Variants in ANKRD31 observed in about 807,000 individuals in gnomAD.
The protein encoded by ANKRD31 is ankyrin repeat domain 31, also known as ankyrin repeat domain-containing protein 31.
In ANKRD31, 147 loss-of-function variants were observed where a neutral mutation model predicts 186.0. The observed-to-expected ratio is 0.79, with a 90% CI of 0.69 to 0.91. The LOEUF (loss-of-function observed/expected upper bound fraction) is 0.91. Ranked by LOEUF, ANKRD31 falls within the 40% of genes least tolerant of loss-of-function variation. The probability of loss-of-function intolerance (pLI) is 0.00; values close to 1 mark genes in which losing one functional copy is unlikely to be tolerated. For synonymous variants in ANKRD31, 673 were observed against 736.4 expected, an observed-to-expected ratio of 0.91 and a Z score of 1.39; for missense variants, 1,986 against 2,148.8, an observed-to-expected ratio of 0.92 and a Z score of 1.50.
chr5:75,157,108 G>A (rs566442235), intron 11 of ANKRD31, among the ~76,000 whole-genome samples: 1 of 152,244 alleles, frequency 6.6e-6, no homozygotes, highest in Admixed American at 6.5e-5. Flanking sequence ...GGGCTTAGGA[G>A]GAGCATATTA....
chr5:75,189,082 A>C (rs1263321790), intron 9 of ANKRD31, among the ~76,000 whole-genome samples: 3 of 152,338 alleles, frequency 2.0e-5, no homozygotes, highest in African/African-American at 7.2e-5. Flanking sequence ...AAAATCTCAG[A>C]GGCATATAAG....
Position 75,146,922 on chromosome 5 carries a change from T to C in ANKRD31, c.2489A>G (p.Asp830Gly). ...EVQCLELESV[D>G]QTEAVSFPGL... ...TGGGAAAGAAACAGCTTCAGTTTGG[T>C]CAACAGATTCTAATTCCAAGCATTG... The change falls in exon 14 of 26, where the codon GAC becomes GGC. Residue 830 changes from aspartate to glycine, a missense_variant. Asp to Gly is a moderately conservative substitution (Grantham distance 94). Coordinates refer to ENST00000506364, the MANE Select transcript of ANKRD31 (RefSeq NM_001372053.1). The C allele has an allele frequency of 2.0e-6, 3 of 1,536,376 alleles. No homozygotes were observed. The highest frequency in any genetic ancestry group is 2.4e-5 in the South Asian group (2 of 84,044).
chr5:75,158,911 C>CA (rs969683220), intron 11 of ANKRD31, among the ~76,000 whole-genome samples: 25 of 151,372 alleles, frequency 1.7e-4, no homozygotes, highest in South Asian at 4.2e-4. Flanking sequence ...CCTATATGTG[C>CA]AAAAAAACAC....
chr5:75,204,130 C>T (rs1417605445), intron 5 of ANKRD31, among the ~76,000 whole-genome samples: 1 of 152,078 alleles, frequency 6.6e-6, no homozygotes. Flanking sequence ...TTTCCTTAAA[C>T]AATTTAAACT....
At chr5:75,134,391 C>A (rs2964810) in intron 17 of ANKRD31, among the ~76,000 whole-genome samples, 10 of 152,110 alleles carry the variant, frequency 6.6e-5, no homozygotes, top group Admixed American at 5.2e-4. Flanking sequence ...AACACCTATA[C>A]GCAAATAAAT....
chr5:75,128,702 G>C (rs1373190236), intron 17 of ANKRD31, among the ~76,000 whole-genome samples: 1 of 149,540 alleles, frequency 6.7e-6, no homozygotes, highest in East Asian at 2.0e-4. Flanking sequence ...TTTTAGTAGA[G>C]TTGGGGTTTC....
In ANKRD31 at chr5:75,169,098, T is replaced by C; in HGVS notation, c.1588A>G (p.Ser530Gly). The change falls in exon 11 of 26, where the codon AGT becomes GGT. Residue 530 changes from serine to glycine, a missense_variant. Transcript: ENST00000506364. The part of the protein sequence containing the change: ...YAGWTALHEA[S>G]VGGFYRTASE... ...GCTGTCCGATAAAATCCTCCTACAC[T>C]AGCTTCATGAAGTGCTGTCCAACCT... is the stretch of plus-strand genomic sequence containing the variant. 1 of 1,537,008 alleles carries C rather than the reference T, an allele frequency of 6.5e-7. No individual in the cohort carries two copies. Among genetic ancestry groups the C allele is most frequent in the East Asian group, 2.4e-5 (1 of 40,846 alleles).
chr5:75,151,206 G>T (rs1214816579), intron 12 of ANKRD31, among the ~76,000 whole-genome samples: 2 of 151,948 alleles, frequency 1.3e-5, no homozygotes, highest in African/African-American at 2.4e-5. Context: ...CTCACGACTG[G>T]TTGTTAGATT....
chr5:75,200,430 T>C (rs1331677501), intron 5 of ANKRD31, among the ~76,000 whole-genome samples: 1 of 151,738 alleles, frequency 6.6e-6, no homozygotes, highest in East Asian at 2.0e-4. Context: ...CTTGAGTAGC[T>C]GGGATTACAG....
chr5:75,212,587 G>T (rs1544756), intron 3 of ANKRD31, among the ~76,000 whole-genome samples: 76,704 of 152,028 alleles, frequency 0.5, 22,268 homozygotes, highest in African/African-American at 0.81. Context: ...GAGCTGTGAT[G>T]GCACCACTGC....
intron 25 of ANKRD31, among the ~76,000 whole-genome samples, chr5:75,078,487 G>A (rs1447921665): frequency 6.6e-6 from 1 of 152,028 alleles, no homozygotes; most frequent in Non-Finnish European, 1.5e-5. Flanking sequence ...ATGATGTTAG[G>A]TCCCCATGAA....
intron 25 of ANKRD31, among the ~76,000 whole-genome samples, chr5:75,076,562 G>T (rs1744668943): frequency 6.6e-6 from 1 of 152,208 alleles, no homozygotes; most frequent in African/African-American, 2.4e-5. Context: ...TCATTTAGTG[G>T]TTTTTAATGG....
At chr5:75,120,957 G>C (rs1394856522) in intron 17 of ANKRD31, among the ~76,000 whole-genome samples, 1 of 152,148 alleles carries the variant, frequency 6.6e-6, no homozygotes, top group Non-Finnish European at 1.5e-5. Context: ...GGCCGAGACA[G>C]GCGGATCATT....
At chr5:75,070,709 G>A (rs1580261867) in intron 25 of ANKRD31, among the ~76,000 whole-genome samples, 1 of 152,160 alleles carries the variant, frequency 6.6e-6, no homozygotes, top group East Asian at 1.9e-4. Flanking sequence ...CTATTTTCAC[G>A]GGCATCTTCC....
At chr5:75,212,524 T>C (rs540616919) in intron 3 of ANKRD31, among the ~76,000 whole-genome samples, 1 of 152,138 alleles carries the variant, frequency 6.6e-6, no homozygotes, top group South Asian at 2.1e-4. Flanking sequence ...TCCAACTACC[T>C]AGGAGGCTGA....
intron 3 of ANKRD31, among the ~76,000 whole-genome samples, chr5:75,211,609 T>C (rs949755463): frequency 1.3e-5 from 2 of 152,224 alleles, no homozygotes; most frequent in African/African-American, 4.8e-5. Context: ...CATTTCCATC[T>C]GCTATGTACA....
chr5:75,214,587 C>T (rs1311539535), intron 3 of ANKRD31, among the ~76,000 whole-genome samples: 1 of 152,210 alleles, frequency 6.6e-6, no homozygotes, highest in Non-Finnish European at 1.5e-5. Context: ...CTTGCCAGCC[C>T]TGATCCTTCT....
At chr5:75,188,147 C>T (rs1400691185) in intron 10 of ANKRD31, among the ~76,000 whole-genome samples, 1 of 152,144 alleles carries the variant, frequency 6.6e-6, no homozygotes, top group Non-Finnish European at 1.5e-5. Flanking sequence ...GCACCATCAG[C>T]TTCTTCCAGT....
intron 11 of ANKRD31, among the ~76,000 whole-genome samples, chr5:75,154,562 G>A (rs79898159): frequency 0.026 from 3,951 of 151,650 alleles, 153 homozygotes; most frequent in African/African-American, 0.091. Context: ...AAAGACTAAA[G>A]GAAGAATGAA....
Sources: gnomAD v4.1 joint callset for allele counts (sites outside exome capture counted in the v4.1 genomes callset) on GRCh38, gnomAD v4.1.1 for gene constraint, MANE v1.5 for transcripts, NCBI Gene and HGNC (gene_info 2026-07-23, HGNC 2026-07-21) for gene names.